FOXO3: variants seen among roughly 807,000 people sequenced by gnomAD.
The protein encoded by FOXO3 is forkhead box protein O3.
A neutral mutation model predicts 41.9 loss-of-function variants in FOXO3; 4 were observed. That is an observed-to-expected ratio of 0.10 (90% CI 0.05 to 0.22). FOXO3 has a LOEUF of 0.22. Among genes scored for constraint, FOXO3 ranks in the 10% least tolerant of loss-of-function variants. FOXO3 has a pLI of 1.00. For synonymous variants in FOXO3, 318 were observed against 389.3 expected (o/e 0.82, Z 2.16); for missense variants, 534 against 906.8 (o/e 0.59, Z 5.28).
intron 1 of FOXO3, among the ~76,000 whole-genome samples, chr6:108,619,652 A>G (rs958285732): frequency 7.2e-5 from 11 of 152,216 alleles, no homozygotes; most frequent in Non-Finnish European, 1.5e-4. Context: ...TCATAGTCAT[A>G]TCTGTATTTT....
intron 1 of FOXO3, among the ~76,000 whole-genome samples, chr6:108,595,219 T>C (rs557098763): frequency 2.6e-5 from 4 of 152,332 alleles, no homozygotes; most frequent in African/African-American, 9.6e-5. Context: ...ATGAGAGGTA[T>C]GAGCATAATT....
intron 1 of FOXO3, among the ~76,000 whole-genome samples, chr6:108,640,686 G>A (rs946306034): frequency 4.6e-5 from 7 of 151,720 alleles, no homozygotes; most frequent in African/African-American, 1.7e-4. Context: ...ACAATTAATA[G>A]ATAGAAAATT....
At chr6:108,654,649 C>T (rs1313774282) in intron 1 of FOXO3, among the ~76,000 whole-genome samples, 5 of 151,890 alleles carry the variant, frequency 3.3e-5, no homozygotes, top group Non-Finnish European at 7.4e-5. Flanking sequence ...AGAGGGTTAT[C>T]GTCAGCAGTT....
intron 1 of FOXO3, among the ~76,000 whole-genome samples, chr6:108,595,838 C>T (rs186476071): frequency 8.0e-4 from 122 of 152,226 alleles, no homozygotes; most frequent in African/African-American, 2.7e-3. Flanking sequence ...GTTCAAATGC[C>T]AAGCTGCCAA....
In FOXO3 at chr6:108,648,980, C is replaced by T. The variant is rs188822723; in HGVS notation, c.622-14475C>T. ...CCACTGCACTCCAGTGCGTTCCAGCCTGGGTAACAGAGTGGGAACCTATCT... is the reference window on the plus strand; with the variant it reads ...CCACTGCACTCCAGTGCGTTCCAGCTTGGGTAACAGAGTGGGAACCTATCT... On this transcript the variant is annotated intron_variant, in intron 1 of 2. Coordinates refer to ENST00000406360, the MANE Select transcript of FOXO3 (RefSeq NM_001455.4). Among the ~76,000 whole-genome samples the T allele has an allele frequency of 6.1e-5, 9 of 146,882 alleles. No individual in the cohort carries two copies. The East Asian group carries it at 1.8e-3, about 29-fold the overall frequency.
In FOXO3 at chr6:108,593,633, C is replaced by T. The variant is rs373327806; in HGVS notation, c.621+31804C>T. Among the ~76,000 whole-genome samples, 17 of 151,956 alleles carry T rather than the reference C, an allele frequency of 1.1e-4. No homozygotes were observed. In the South Asian group the frequency reaches 3.3e-3, roughly 30 times the overall value. On this transcript the variant is annotated intron_variant, in intron 1 of 2. Transcript: ENST00000406360. Reference sequence around the variant, plus strand: ...CCTCAAGTGATCCTCCTGCCTCAGCCTCCCAAAATGCTGGGATTACAGGTG... The same window carrying T: ...CCTCAAGTGATCCTCCTGCCTCAGCTTCCCAAAATGCTGGGATTACAGGTG...
intron 2 of FOXO3, among the ~76,000 whole-genome samples, chr6:108,667,681 T>C (rs530971229): frequency 2.0e-5 from 3 of 152,378 alleles, no homozygotes; most frequent in African/African-American, 7.2e-5. Flanking sequence ...AATGACTGCA[T>C]TGAGGATAAT....
chr6:108,575,338 C>A (rs1342277213), intron 1 of FOXO3, among the ~76,000 whole-genome samples: 2 of 150,892 alleles, frequency 1.3e-5, no homozygotes, highest in African/African-American at 4.9e-5. Flanking sequence ...CTCCTGCTTA[C>A]CTTCCCCCCT....
chr6:108,601,892 CA>C (rs1349334930), intron 1 of FOXO3, among the ~76,000 whole-genome samples: 1 of 152,268 alleles, frequency 6.6e-6, no homozygotes, highest in Non-Finnish European at 1.5e-5. Flanking sequence ...ACTCATCACT[CA>C]ATGGACATTT....
At chr6:108,614,558 G>A (rs1051177266) in intron 1 of FOXO3, among the ~76,000 whole-genome samples, 3 of 152,022 alleles carry the variant, frequency 2.0e-5, no homozygotes, top group Non-Finnish European at 2.9e-5. Flanking sequence ...TTTGACTACT[G>A]TTTGTATGGC....
At chr6:108,651,793 T>C (rs193007719) in intron 1 of FOXO3, among the ~76,000 whole-genome samples, 2 of 152,350 alleles carry the variant, frequency 1.3e-5, no homozygotes, top group East Asian at 3.8e-4. Context: ...AGTAGGCATA[T>C]GTAACCTTAA....
At chr6:108,580,168 T>C (rs999926109) in intron 1 of FOXO3, among the ~76,000 whole-genome samples, 8 of 149,930 alleles carry the variant, frequency 5.3e-5, no homozygotes, top group South Asian at 4.2e-4. Context: ...GCTTTATGAG[T>C]ATTAGCTCTT....
At chr6:108,629,147 A>T (rs1205751357) in intron 1 of FOXO3, among the ~76,000 whole-genome samples, 1 of 152,160 alleles carries the variant, frequency 6.6e-6, no homozygotes. Flanking sequence ...GTAAATTTAA[A>T]ATGATCTGTT....
At chr6:108,578,957 T>C (rs1776336049) in intron 1 of FOXO3, among the ~76,000 whole-genome samples, 1 of 152,178 alleles carries the variant, frequency 6.6e-6, no homozygotes, top group Non-Finnish European at 1.5e-5. Context: ...GTCAGTATCA[T>C]TGGACTCTGT....
intron 1 of FOXO3, among the ~76,000 whole-genome samples, chr6:108,615,691 A>T (rs930125143): frequency 1.3e-5 from 2 of 151,596 alleles, no homozygotes; most frequent in African/African-American, 4.8e-5. Flanking sequence ...CTCTTCTTTT[A>T]TGATCTCAAT....
chr6:108,610,274 A>G (rs1234083609), intron 1 of FOXO3, among the ~76,000 whole-genome samples: 1 of 152,178 alleles, frequency 6.6e-6, no homozygotes, highest in Non-Finnish European at 1.5e-5. Context: ...TTAAAATAAA[A>G]GGACTGAGTC....
At chr6:108,610,493 G>GA (rs936868392) in intron 1 of FOXO3, among the ~76,000 whole-genome samples, 6 of 152,262 alleles carry the variant, frequency 3.9e-5, no homozygotes, top group African/African-American at 1.4e-4. Flanking sequence ...GCTCTAAGAG[G>GA]AAAAAACAGT....
chr6:108,618,618 T>G (rs1777581264), intron 1 of FOXO3, among the ~76,000 whole-genome samples: 1 of 152,272 alleles, frequency 6.6e-6, no homozygotes, highest in South Asian at 2.1e-4. Context: ...CTGAGGACTT[T>G]ACCTGATGTT....
intron 1 of FOXO3, among the ~76,000 whole-genome samples, chr6:108,600,560 A>G (rs1436882219): frequency 1.4e-4 from 21 of 151,312 alleles, no homozygotes; most frequent in Non-Finnish European, 2.2e-4. Context: ...AAAAAAAAAA[A>G]AAAAAAAAAA....
Sources: allele counts gnomAD v4.1 joint callset (sites outside exome capture counted in the v4.1 genomes callset), GRCh38; gene constraint gnomAD v4.1.1; transcripts MANE v1.5; gene names NCBI Gene and HGNC (gene_info 2026-07-23, HGNC 2026-07-21).